TFPI: variants seen among roughly 807,000 people sequenced by gnomAD.
TFPI encodes anti-convertin.
In TFPI, 15 loss-of-function variants were observed where a neutral mutation model predicts 34.6. That is an observed-to-expected ratio of 0.43 (90% CI 0.29 to 0.67). TFPI has a LOEUF of 0.67. Among genes scored for constraint, TFPI ranks in the 30% least tolerant of loss-of-function variants. The pLI, the probability that TFPI is intolerant of heterozygous loss-of-function variation, is 0.15. For synonymous variants in TFPI, 105 were observed against 120.1 expected, an observed-to-expected ratio of 0.87 and a Z score of 0.82; for missense variants, 301 against 364.0, an observed-to-expected ratio of 0.83 and a Z score of 1.41.
chr2:187,466,885 C>T lies in TFPI; in HGVS notation c.*51G>A, dbSNP rs1691740382. On this transcript the variant is annotated 3_prime_UTR_variant, in exon 8 of 8. Transcript: ENST00000233156. ...AGAAAAATAGAAAATCATAGTGAAA[C>T]ATTTCATATAAAATATTTAGTAGAA... 1 of 1,022,828 alleles carries T rather than the reference C, an allele frequency of 9.8e-7. No homozygotes were observed. The highest frequency in any genetic ancestry group is 1.7e-5 in the African/African-American group (1 of 59,464). The allele number at this position is 1,022,828 out of a possible 1,614,324, so 63.4% of individuals were successfully genotyped here.
chr2:187,497,320 G>C (rs1010480069), intron 2 of TFPI, among the ~76,000 whole-genome samples: 1 of 151,932 alleles, frequency 6.6e-6, no homozygotes, highest in African/African-American at 2.4e-5. Context: ...GAACTGGGAG[G>C]GAATTGAGTA....
rs535397520 is a variant in TFPI at position 187,545,903 on chromosome 2, T to C, written c.-3+8297A>G. 6.0e-3 allele frequency among the ~76,000 whole-genome samples: 919 copies of C among 152,218 alleles called. 6 individuals are homozygous for C. The highest frequency in any genetic ancestry group is 9.8e-3 in the Non-Finnish European group (669 of 67,982). ...CCTACCAAATAACAGGAAATATTAA[T>C]ATTTATTGCCAATTAAGAGAGGAAT... On this transcript the variant is annotated intron_variant, in intron 1 of 7. Coordinates refer to ENST00000233156, the MANE Select transcript of TFPI (RefSeq NM_006287.6).
At chr2:187,499,725 AG>A (rs1685725494) in intron 2 of TFPI, 1 of 130,502 alleles carries the variant, frequency 7.7e-6, no homozygotes, top group Non-Finnish European at 1.6e-5. Context: ...CACATAACAA[AG>A]CAGGAATAAA....
chr2:187,490,757 AG>A (rs1469311594), intron 3 of TFPI, among the ~76,000 whole-genome samples: 1 of 151,678 alleles, frequency 6.6e-6, no homozygotes, highest in Non-Finnish European at 1.5e-5. Context: ...AAATATCACT[AG>A]CAATTTGATT....
chr2:187,491,472 A>G (rs1201994195), intron 3 of TFPI, among the ~76,000 whole-genome samples: 2 of 152,042 alleles, frequency 1.3e-5, no homozygotes, highest in Non-Finnish European at 2.9e-5. Context: ...GAGTTATTTC[A>G]CTTAAGATAA....
chr2:187,553,861 T>C (rs977912085), intron 1 of TFPI, among the ~76,000 whole-genome samples: 4 of 152,160 alleles, frequency 2.6e-5, no homozygotes, highest in African/African-American at 9.7e-5. Flanking sequence ...TTTCAAGAAC[T>C]TCCAATTAAC....
rs368945721 is a variant in TFPI at position 187,499,646 on chromosome 2, T to C, written c.122-2568A>G. 18 of 152,096 alleles carry C rather than the reference T, an allele frequency of 1.2e-4. 1 individual carries two copies. In the East Asian group the frequency reaches 3.3e-3, roughly 28 times the overall value. The allele number at this position is 152,096 out of a possible 1,614,324, so 9.4% of individuals were successfully genotyped here. On this transcript the variant is annotated intron_variant, in intron 2 of 7. Coordinates refer to ENST00000233156, the MANE Select transcript of TFPI (RefSeq NM_006287.6). ...TTACGTATCGTGAGTTTCTGAACTC[T>C]AGACATGTTTGTTTTGAAACCAATA...
chr2:187,509,072 G>C (rs1686437822), intron 1 of TFPI, among the ~76,000 whole-genome samples: 1 of 152,144 alleles, frequency 6.6e-6, no homozygotes, highest in Admixed American at 6.5e-5. Flanking sequence ...TTTTGTCATT[G>C]GTTCTCTTTA....
rs552962550 is a variant in TFPI, at chr2:187,510,751, G to A, written c.-2-6981C>T. 6.0e-4 allele frequency among the ~76,000 whole-genome samples: 91 copies of A among 152,104 alleles called. 1 individual carries two copies. Among genetic ancestry groups the A allele is most frequent in the African/African-American group, 2.1e-3 (88 of 41,476 alleles). The stretch of plus-strand genomic sequence containing the variant: ...ACTGGTGCATGCAGCCCCCAGTCAC[G>A]TACCCCCTGCTTGCTCAATCAATCA... On this transcript the variant is annotated intron_variant, in intron 1 of 7. Transcript: ENST00000233156.
intron 6 of TFPI, among the ~76,000 whole-genome samples, chr2:187,478,215 C>T (rs527617766): frequency 6.6e-6 from 1 of 152,128 alleles, no homozygotes; most frequent in South Asian, 2.1e-4. Context: ...CAAATATTAG[C>T]GGGGCGTGGT....
At chr2:187,545,487 A>G (rs1484273500) in intron 1 of TFPI, among the ~76,000 whole-genome samples, 3 of 152,188 alleles carry the variant, frequency 2.0e-5, no homozygotes, top group Admixed American at 1.3e-4. Context: ...AGCTCAGGAA[A>G]TTGATTTTTT....
chr2:187,467,740 G>A lies in TFPI; in HGVS notation c.808+13C>T. The A allele has an allele frequency of 6.4e-7, 1 of 1,566,134 alleles. No homozygotes were observed. Among genetic ancestry groups the A allele is most frequent in the South Asian group, 1.2e-5 (1 of 80,944 alleles). On this transcript the variant is annotated intron_variant, in intron 7 of 7. Coordinates refer to ENST00000233156, the MANE Select transcript of TFPI (RefSeq NM_006287.6). ...AAACACTAGTCAATTAATGGGAAGAGTATCTTCTATACCTTTTTTACATGC... is the reference window on the plus strand; with the variant it reads ...AAACACTAGTCAATTAATGGGAAGAATATCTTCTATACCTTTTTTACATGC...
Position 187,467,778 on chromosome 2 carries a change from T to C in TFPI, c.783A>G (p.Gln261=), listed in dbSNP as rs1691798521. ...GGNENNFTSK[Q]ECLRACKKGF... ...CTTTTTTACATGCCCTCAGACATTC[T>C]TGTTTGGAAGTAAAATTGTTTTCAT... The change falls in exon 7 of 8, where the codon CAA becomes CAG. Residue 261 remains glutamine, a synonymous_variant. Transcript: ENST00000233156. 2 of 1,610,662 alleles carry C rather than the reference T, an allele frequency of 1.2e-6. No homozygotes were observed. The highest frequency in any genetic ancestry group is 1.7e-6 in the Non-Finnish European group (2 of 1,178,516).
At chr2:187,487,797 T>G (rs1693391978) in intron 4 of TFPI, among the ~76,000 whole-genome samples, 1 of 151,472 alleles carries the variant, frequency 6.6e-6, no homozygotes, top group Non-Finnish European at 1.5e-5. Context: ...TTTAAATATC[T>G]CTACTTACTT....
intron 3 of TFPI, among the ~76,000 whole-genome samples, chr2:187,490,515 C>T (rs1424086387): frequency 1.3e-5 from 2 of 151,458 alleles, no homozygotes; most frequent in East Asian, 3.9e-4. Flanking sequence ...ATTTTTTATC[C>T]TGTAGTCTAC....
intron 3 of TFPI, among the ~76,000 whole-genome samples, chr2:187,488,767 T>G (rs935743738): frequency 1.3e-5 from 2 of 151,492 alleles, no homozygotes; most frequent in African/African-American, 4.8e-5. Context: ...TAACTGGGAA[T>G]AAAAGTGAAA....
intron 1 of TFPI, among the ~76,000 whole-genome samples, chr2:187,530,558 A>T (rs1687909239): frequency 6.6e-6 from 1 of 152,228 alleles, no homozygotes; most frequent in South Asian, 2.1e-4. Context: ...TGGAATGGAA[A>T]TATTGCTTCT....
At chr2:187,478,896 CTG>C (rs1692589430) in intron 6 of TFPI, 2 of 962,662 alleles carry the variant, frequency 2.1e-6, no homozygotes, top group Non-Finnish European at 3.1e-6. Flanking sequence ...AGTCTATAAA[CTG>C]TATAGTACAT....
At chr2:187,512,710 G>A (rs1288298230) in intron 1 of TFPI, among the ~76,000 whole-genome samples, 2 of 151,834 alleles carry the variant, frequency 1.3e-5, no homozygotes, top group East Asian at 1.9e-4. Context: ...CTAGTCCACA[G>A]ACATAAAGGA....
Sources: allele counts gnomAD v4.1 joint callset (sites outside exome capture counted in the v4.1 genomes callset), GRCh38; gene constraint gnomAD v4.1.1; transcripts MANE v1.5; gene names NCBI Gene and HGNC (gene_info 2026-07-23, HGNC 2026-07-21).